ADGRL3: variants seen among roughly 807,000 people sequenced by gnomAD.
ADGRL3 encodes the protein adhesion G protein-coupled receptor L3.
In ADGRL3, 62 loss-of-function variants were observed where a neutral mutation model predicts 153.5. The ratio of observed to expected loss-of-function variants is 0.40; its 90% CI spans 0.33 to 0.50. ADGRL3 has a LOEUF of 0.50. Among genes scored for constraint, ADGRL3 ranks in the 20% least tolerant of loss-of-function variants. ADGRL3 has a pLI of 0.47. For synonymous variants in ADGRL3, 710 were observed against 672.5 expected (o/e 1.06, Z -0.86); for missense variants, 1,641 against 1,859.4 (o/e 0.88, Z 2.16).
intron 8 of ADGRL3, among the ~76,000 whole-genome samples, chr4:61,794,420 A>G (rs1238994609): frequency 6.6e-6 from 1 of 152,206 alleles, no homozygotes; most frequent in East Asian, 1.9e-4. Context: ...AAGAGAAAGG[A>G]AATTTCTGCT....
intron 2 of ADGRL3, among the ~76,000 whole-genome samples, chr4:61,476,708 T>TAAAAAAAAAAAAAAAAAAAAAAAAAAAA (rs34866230): frequency 3.0e-5 from 1 of 33,558 alleles, no homozygotes; most frequent in African/African-American, 1.3e-4. Context: ...AGACTCTGTC[T>TAAAAAAAAAAAAAAAAAAAAAAAAAAAA]AAAAAAAAAA....
chr4:62,042,493 A>G (rs1239449459), intron 24 of ADGRL3, among the ~76,000 whole-genome samples: 1 of 151,998 alleles, frequency 6.6e-6, no homozygotes, highest in Non-Finnish European at 1.5e-5. Context: ...CAGAGAAAAC[A>G]ACCAGCATTG....
At chr4:61,233,710 T>C (rs1188587055) in intron 1 of ADGRL3, among the ~76,000 whole-genome samples, 1 of 152,078 alleles carries the variant, frequency 6.6e-6, no homozygotes, top group Non-Finnish European at 1.5e-5. Context: ...AGTGCGTGTG[T>C]GTGTGTTCTA....
chr4:61,922,570 C>T (rs968834904), intron 13 of ADGRL3, among the ~76,000 whole-genome samples: 4 of 152,176 alleles, frequency 2.6e-5, no homozygotes, highest in Non-Finnish European at 4.4e-5. Context: ...TATCATATTA[C>T]ATTTAATTAG....
At chr4:61,423,174 G>A (rs866588389) in intron 2 of ADGRL3, among the ~76,000 whole-genome samples, 12 of 152,284 alleles carry the variant, frequency 7.9e-5, no homozygotes, top group African/African-American at 2.9e-4. Flanking sequence ...TCTGGTTTAT[G>A]TAGTATTTTT....
At chr4:61,251,175 G>T (rs1759095991) in intron 1 of ADGRL3, among the ~76,000 whole-genome samples, 1 of 152,176 alleles carries the variant, frequency 6.6e-6, no homozygotes, top group Non-Finnish European at 1.5e-5. Flanking sequence ...CTTCAGTGGG[G>T]AAGATTCCAA....
intron 5 of ADGRL3, among the ~76,000 whole-genome samples, chr4:61,629,304 T>G (rs2093013038): frequency 1.3e-5 from 2 of 152,152 alleles, no homozygotes; most frequent in African/African-American, 2.4e-5. Flanking sequence ...ACCCCTATTA[T>G]TACTTACTTT....
intron 2 of ADGRL3, among the ~76,000 whole-genome samples, chr4:61,474,284 C>T (rs1184465000): frequency 6.6e-6 from 1 of 152,100 alleles, no homozygotes; most frequent in African/African-American, 2.4e-5. Context: ...GGGAAAATAA[C>T]AGAATGTGAA....
At chr4:61,981,607 T>C (rs2099068680) in intron 18 of ADGRL3, among the ~76,000 whole-genome samples, 1 of 152,148 alleles carries the variant, frequency 6.6e-6, no homozygotes, top group African/African-American at 2.4e-5. Flanking sequence ...TAATAGACAA[T>C]ATCTTCATAT....
intron 6 of ADGRL3, among the ~76,000 whole-genome samples, chr4:61,707,571 AT>A (rs1008335028): frequency 6.6e-6 from 1 of 152,096 alleles, no homozygotes; most frequent in African/African-American, 2.4e-5. Flanking sequence ...TTTGACCTTG[AT>A]TTTTTTAAGG....
intron 1 of ADGRL3, among the ~76,000 whole-genome samples, chr4:61,224,008 A>T (rs1560367227): frequency 1.3e-5 from 2 of 152,096 alleles, no homozygotes; most frequent in East Asian, 1.9e-4. Flanking sequence ...TAAATTAGAA[A>T]TTTTTTGAAA....
intron 15 of ADGRL3, among the ~76,000 whole-genome samples, chr4:61,937,741 C>T (rs2098845260): frequency 6.6e-6 from 1 of 152,248 alleles, no homozygotes; most frequent in African/African-American, 2.4e-5. Flanking sequence ...TGATGTAACC[C>T]TAGTACTTCA....
chr4:61,470,233 T>C lies in ADGRL3; in HGVS notation c.-173-26888T>C, dbSNP rs557051373. On this transcript the variant is annotated intron_variant, in intron 2 of 26. Coordinates refer to ENST00000683033, the MANE Select transcript of ADGRL3 (RefSeq NM_001387552.1). ...TGTTTCTCAAGTCCATGCTGAGCAT[T>C]CCAGAAATCAGTCAGAATACTAGCA... Among the ~76,000 whole-genome samples, 12 of 152,066 alleles carry C rather than the reference T, an allele frequency of 7.9e-5. No individual in the cohort carries two copies. The South Asian group carries it at 2.1e-3, about 26-fold the overall frequency.
intron 8 of ADGRL3, among the ~76,000 whole-genome samples, chr4:61,769,595 G>T (rs553976799): frequency 6.6e-6 from 1 of 152,060 alleles, no homozygotes; most frequent in African/African-American, 2.4e-5. Context: ...TGAGCAACAT[G>T]GCTGTTGCTC....
chr4:61,362,778 G>A (rs1308528677), intron 1 of ADGRL3, among the ~76,000 whole-genome samples: 1 of 151,998 alleles, frequency 6.6e-6, no homozygotes, highest in African/African-American at 2.4e-5. Flanking sequence ...ATGGACTCAT[G>A]CAGTTCAAAC....
chr4:61,871,363 G>A (rs187007808), intron 9 of ADGRL3, among the ~76,000 whole-genome samples: 1 of 152,098 alleles, frequency 6.6e-6, no homozygotes, highest in Non-Finnish European at 1.5e-5. Flanking sequence ...TGAATTTCCA[G>A]CAACAGATTA....
chr4:61,754,308 C>A (rs1426550662), intron 8 of ADGRL3, among the ~76,000 whole-genome samples: 1 of 151,984 alleles, frequency 6.6e-6, no homozygotes, highest in African/African-American at 2.4e-5. Context: ...TAAGAATAAT[C>A]AACAATAGTT....
rs999230362 is a variant in ADGRL3, at chr4:61,884,614, T to G, written c.1481-8042T>G. ...ACTGCAGTGAGCAGGCTGCTTTCTT[T>G]TATTATTTATTTATTTATTTACTTT... On this transcript the variant is annotated intron_variant, in intron 9 of 26. Transcript: ENST00000683033. Among the ~76,000 whole-genome samples the G allele has an allele frequency of 7.9e-5, 12 of 152,034 alleles. 1 individual carries two copies. Among genetic ancestry groups the G allele is most frequent in the Non-Finnish European group, 4.4e-5 (3 of 68,016 alleles).
intron 2 of ADGRL3, among the ~76,000 whole-genome samples, chr4:61,425,124 G>A (rs535089561): frequency 2.6e-5 from 4 of 152,232 alleles, no homozygotes; most frequent in African/African-American, 7.2e-5. Context: ...TGTTATATTT[G>A]TGCAGGCTAT....
Sources: allele counts gnomAD v4.1 joint callset (sites outside exome capture counted in the v4.1 genomes callset), GRCh38; gene constraint gnomAD v4.1.1; transcripts MANE v1.5; gene names NCBI Gene and HGNC (gene_info 2026-07-23, HGNC 2026-07-21).